PSAP: variants seen among roughly 807,000 people sequenced by gnomAD.
PSAP encodes prosaposin.
A neutral mutation model predicts 66.0 loss-of-function variants in PSAP; 25 were observed. The observed-to-expected ratio is 0.38, with a 90% CI of 0.28 to 0.53. PSAP has a LOEUF of 0.53. Ranked by LOEUF, PSAP falls within the 20% of genes least tolerant of loss-of-function variation. The pLI is 0.83. For missense variants in PSAP, 649 were observed against 668.8 expected, an observed-to-expected ratio of 0.97 and a Z score of 0.33; for synonymous variants, 273 against 258.9, an observed-to-expected ratio of 1.05 and a Z score of -0.52.
chr10:71,827,483 T>G (rs1376417424), intron 6 of PSAP, among the ~76,000 whole-genome samples: 5 of 151,436 alleles, frequency 3.3e-5, no homozygotes, highest in Non-Finnish European at 7.4e-5. Context: ...TCCTAGCACT[T>G]TGGGAGGCTG....
At chr10:71,824,772 A>G (rs1842369749) in intron 7 of PSAP, among the ~76,000 whole-genome samples, 1 of 152,236 alleles carries the variant, frequency 6.6e-6, no homozygotes, top group Non-Finnish European at 1.5e-5. Context: ...TATTGTCCAT[A>G]TTTTCAACAC....
chr10:71,837,344 C>A (rs563418391), intron 1 of PSAP, among the ~76,000 whole-genome samples: 5 of 152,272 alleles, frequency 3.3e-5, no homozygotes, highest in African/African-American at 4.8e-5. Context: ...AGCTCCCAGC[C>A]GCCAAGAGGT....
chr10:71,844,887 T>C (rs555572794), intron 1 of PSAP: 1 of 152,326 alleles, frequency 6.6e-6, no homozygotes, highest in African/African-American at 2.4e-5. Context: ...ATAGCTTCCT[T>C]TTCTACCGTT....
chr10:71,846,462 C>T (rs1029408625), intron 1 of PSAP, among the ~76,000 whole-genome samples: 1 of 148,902 alleles, frequency 6.7e-6, no homozygotes, highest in Non-Finnish European at 1.5e-5. Flanking sequence ...CGGCGACTCA[C>T]GCCTGTAATC....
chr10:71,817,182 C>A lies in PSAP; in HGVS notation c.*259G>T. ...CTCTCCTCCTCCAGCAGGCGCCATG[C>A]AAGGGCAGGCTAAAAGACCTCCAGT... is the stretch of plus-strand genomic sequence containing the variant. On this transcript the variant is annotated 3_prime_UTR_variant, in exon 14 of 14. Coordinates refer to ENST00000394936, the MANE Select transcript of PSAP (RefSeq NM_002778.4). 1.8e-6 allele frequency: 1 copy of A among 568,164 alleles called. No individual in the cohort carries two copies. The highest frequency in any genetic ancestry group is 2.0e-5 in the South Asian group (1 of 49,906). The allele number at this position is 568,164 out of a possible 1,614,324, so 35.2% of individuals were successfully genotyped here.
Position 71,816,467 on chromosome 10 carries a change from C to A in PSAP, c.*974G>T. 1 of 471,262 alleles carries A rather than the reference C, an allele frequency of 2.1e-6. No individual in the cohort carries two copies. Among genetic ancestry groups the A allele is most frequent in the Non-Finnish European group, 4.4e-6 (1 of 227,034 alleles). 29.2% of individuals were successfully genotyped at this position (471,262 alleles called of 1,614,324 possible). ...CAAGTGGGCCACAGACAGCTTCCAA[C>A]CCCCACACCCCAGCATCCAATCCAC... On this transcript the variant is annotated 3_prime_UTR_variant, in exon 14 of 14. Transcript: ENST00000394936.
chr10:71,840,154 T>C (rs1842708529), intron 1 of PSAP, among the ~76,000 whole-genome samples: 1 of 151,468 alleles, frequency 6.6e-6, no homozygotes, highest in Admixed American at 6.6e-5. Flanking sequence ...TTTAGTAACA[T>C]GCTAAGTACA....
rs2133075524 is a variant in PSAP at position 71,851,246 on chromosome 10, C to T, written c.-25G>A. 4 of 1,549,186 alleles carry T rather than the reference C, an allele frequency of 2.6e-6. No individual in the cohort carries two copies. The highest frequency in any genetic ancestry group is 3.5e-6 in the Non-Finnish European group (4 of 1,145,266). On this transcript the variant is annotated 5_prime_UTR_variant, in exon 1 of 14. Transcript: ENST00000394936. Reference sequence around the variant, plus strand: ...TAGCGCCGTCTGACTCCGCAGTCTGCAATGCGGAGCGTCAGCTGATCCCCC... The same window carrying T: ...TAGCGCCGTCTGACTCCGCAGTCTGTAATGCGGAGCGTCAGCTGATCCCCC...
intron 1 of PSAP, among the ~76,000 whole-genome samples, chr10:71,840,964 C>A (rs1161117320): frequency 6.6e-6 from 1 of 152,202 alleles, no homozygotes; most frequent in Non-Finnish European, 1.5e-5. Context: ...ATAAAAACTC[C>A]TAACAAAGCT....
chr10:71,819,632 A>AG lies in PSAP; in HGVS notation c.1193-11dup. ...GGCTGAGTCACGTGAACTACATAAG[A>AG]GGGCAGCGGGCTCAACGCTGGCAGG... On this transcript the variant is annotated splice_polypyrimidine_tract_variant and intron_variant, in intron 10 of 13. Coordinates refer to ENST00000394936, the MANE Select transcript of PSAP (RefSeq NM_002778.4). The AG allele has an allele frequency of 6.2e-7, 1 of 1,614,166 alleles. No homozygotes were observed. Among genetic ancestry groups the AG allele is most frequent in the Non-Finnish European group, 8.5e-7 (1 of 1,180,030 alleles).
At chr10:71,842,522 GT>G (rs1246900304) in intron 1 of PSAP, among the ~76,000 whole-genome samples, 15 of 152,258 alleles carry the variant, frequency 9.9e-5, no homozygotes, top group African/African-American at 2.9e-4. Context: ...TAACTAATTA[GT>G]ATATAGGGAT....
intron 7 of PSAP, among the ~76,000 whole-genome samples, chr10:71,822,973 ATAAT>A (rs1369871089): frequency 2.8e-4 from 43 of 151,714 alleles, no homozygotes; most frequent in African/African-American, 1.0e-3. Flanking sequence ...AAATAAATAA[ATAAT>A]AAGAACGCAG....
intron 1 of PSAP, among the ~76,000 whole-genome samples, chr10:71,846,596 G>A (rs1056592904): frequency 4.6e-5 from 7 of 151,876 alleles, no homozygotes; most frequent in Admixed American, 4.6e-4. Context: ...ATGGTGGCAG[G>A]TGCCTGCAAT....
intron 7 of PSAP, chr10:71,822,547 GA>G (rs1053502387): frequency 1.3e-5 from 6 of 471,226 alleles, no homozygotes; most frequent in African/African-American, 6.0e-5. Context: ...CAGTGCACAT[GA>G]AAACCCAACC....
intron 7 of PSAP, chr10:71,825,596 A>G (rs904821330): frequency 6.2e-6 from 4 of 641,830 alleles, no homozygotes; most frequent in Non-Finnish European, 1.1e-5. Context: ...GAGGCAAACA[A>G]ATTGCCAGGA....
At chr10:71,845,619 T>C (rs1842808207) in intron 1 of PSAP, among the ~76,000 whole-genome samples, 1 of 152,202 alleles carries the variant, frequency 6.6e-6, no homozygotes, top group Admixed American at 6.5e-5. Flanking sequence ...TACTCCATTC[T>C]ACTGACTGAC....
chr10:71,835,924 C>T (rs747341411), intron 1 of PSAP, among the ~76,000 whole-genome samples: 1 of 151,690 alleles, frequency 6.6e-6, no homozygotes, highest in South Asian at 2.1e-4. Flanking sequence ...ATTCTACATA[C>T]GTGTGTAACA....
chr10:71,820,205 G>A, intron 9 of PSAP, 35 bp downstream of exon 9: 1 of 1,560,566 alleles, frequency 6.4e-7, no homozygotes, highest in Non-Finnish European at 8.8e-7. Flanking sequence ...CGGGGGGGCA[G>A]GAGAGGCCCT....
intron 1 of PSAP, 134 bp downstream of exon 1, chr10:71,851,048 C>T (rs1158702143): frequency 3.8e-6 from 4 of 1,064,694 alleles, no homozygotes; most frequent in South Asian, 1.3e-5. Context: ...CCAGCGAACG[C>T]GCCTGCGCAG....
Sources: allele counts gnomAD v4.1 joint callset (sites outside exome capture counted in the v4.1 genomes callset), GRCh38; gene constraint gnomAD v4.1.1; transcripts MANE v1.5; gene names NCBI Gene and HGNC (gene_info 2026-07-23, HGNC 2026-07-21).